The following SCN11A variants were observed in gnomAD, a reference collection of about 807,000 sequenced individuals.
SCN11A encodes the protein sodium voltage-gated channel alpha subunit 11, also known as sodium channel protein type 11 subunit alpha.
A neutral mutation model predicts 162.2 loss-of-function variants in SCN11A; 122 were observed. That is an observed-to-expected ratio of 0.75 (90% CI 0.65 to 0.87). SCN11A has a LOEUF of 0.87. Among genes scored for constraint, SCN11A ranks in the 40% least tolerant of loss-of-function variants. The pLI, the probability that SCN11A is intolerant of heterozygous loss-of-function variation, is 0.00. For missense variants in SCN11A, 2,015 were observed against 2,181.6 expected (o/e 0.92, Z 1.52); for synonymous variants, 758 against 751.5 (o/e 1.01, Z -0.14).
chr3:38,926,036 T>C (rs1288651598), intron 8 of SCN11A, among the ~76,000 whole-genome samples: 2 of 152,224 alleles, frequency 1.3e-5, no homozygotes, highest in Non-Finnish European at 2.9e-5. Flanking sequence ...GAATATTAAA[T>C]AGGAAAAAAT....
chr3:39,043,886 G>C (rs1278207654), intron 1 of SCN11A, among the ~76,000 whole-genome samples: 3 of 152,246 alleles, frequency 2.0e-5, no homozygotes, highest in Admixed American at 6.5e-5. Flanking sequence ...ATAAATGCTT[G>C]AGGAGATGGA....
At chr3:38,865,817 A>G (rs886071456) in intron 27 of SCN11A, among the ~76,000 whole-genome samples, 2 of 152,170 alleles carry the variant, frequency 1.3e-5, no homozygotes, top group Non-Finnish European at 2.9e-5. Context: ...CCTGTGAAAA[A>G]GTGTGTAACC....
At chr3:38,865,677 AAT>A (rs765915037) in intron 27 of SCN11A, among the ~76,000 whole-genome samples, 1 of 152,190 alleles carries the variant, frequency 6.6e-6, no homozygotes, top group African/African-American at 2.4e-5. Flanking sequence ...CTATAAGTTA[AAT>A]ATGTTATTAC....
chr3:38,850,454 G>A (rs762361048), intron 29 of SCN11A, 27 bp downstream of exon 29: 9 of 1,587,668 alleles, frequency 5.7e-6, no homozygotes, highest in Non-Finnish European at 7.7e-6. Context: ...GGTTCTTAAA[G>A]TCCCTCTGAC....
intron 8 of SCN11A, among the ~76,000 whole-genome samples, chr3:38,926,291 A>G (rs1346293239): frequency 6.6e-6 from 1 of 152,198 alleles, no homozygotes; most frequent in African/African-American, 2.4e-5. Flanking sequence ...GAACTTCTAG[A>G]AGTAAACAGG....
intron 1 of SCN11A, among the ~76,000 whole-genome samples, chr3:39,042,575 C>T (rs2032073933): frequency 6.6e-6 from 1 of 152,076 alleles, no homozygotes; most frequent in South Asian, 2.1e-4. Context: ...TATTAGCAAA[C>T]TATCCACCTA....
In SCN11A at chr3:38,879,944, A is replaced by G. The variant is rs747163469; in HGVS notation, c.3393+6T>C. The G allele has an allele frequency of 6.2e-7, 1 of 1,610,590 alleles. No homozygotes were observed. The highest frequency in any genetic ancestry group is 1.1e-5 in the South Asian group (1 of 90,564). ...CCTGTGTGGGACACAGAGATGGTAA[A>G]CTTACAATCACAATGATGAAATCAA... On this transcript the variant is annotated splice_donor_region_variant and intron_variant, in intron 23 of 29. Transcript: ENST00000302328.
intron 7 of SCN11A, among the ~76,000 whole-genome samples, chr3:38,936,120 A>G (rs1307064815): frequency 1.3e-5 from 2 of 151,630 alleles, no homozygotes; most frequent in Non-Finnish European, 2.9e-5. Flanking sequence ...GACAAAAACC[A>G]CATGATTATC....
At position 38,929,141 on chromosome 3, in the gene SCN11A, A is replaced by G. The variant is rs894355856; in HGVS notation, c.489-2210T>C. Among the ~76,000 whole-genome samples the G allele has an allele frequency of 3.8e-3, 255 of 66,298 alleles. 2 individuals are homozygous for G. Among genetic ancestry groups the G allele is most frequent in the African/African-American group, 6.7e-3 (214 of 31,792 alleles). The allele number at this position is 66,298 out of a possible 152,430, so 43.5% of individuals were successfully genotyped here. The stretch of plus-strand genomic sequence containing the variant: ...AAATACTGGGTCTGTGCACGCACAC[A>G]CACACACACACACACACACACACAC... On this transcript the variant is annotated intron_variant, in intron 7 of 29. Transcript: ENST00000302328.
Position 38,933,370 on chromosome 3 carries a change from C to T in SCN11A, c.489-6439G>A, listed in dbSNP as rs7642432. Reference sequence around the variant, plus strand: ...TCACCAGCAACGGAACAAAGCAGGACGGAGAATGACTTTGACGAGTTGAGA... The same window carrying T: ...TCACCAGCAACGGAACAAAGCAGGATGGAGAATGACTTTGACGAGTTGAGA... On this transcript the variant is annotated intron_variant, in intron 7 of 29. Transcript: ENST00000302328. 5.7e-3 allele frequency among the ~76,000 whole-genome samples: 864 copies of T among 152,280 alleles called. 10 individuals carry two copies. The highest frequency in any genetic ancestry group is 0.02 in the African/African-American group (821 of 41,550).
At chr3:38,970,723 C>A (rs1044454619) in intron 2 of SCN11A, among the ~76,000 whole-genome samples, 1 of 152,168 alleles carries the variant, frequency 6.6e-6, no homozygotes, top group Non-Finnish European at 1.5e-5. Flanking sequence ...CCTTGGACAC[C>A]AGCAAGACCC....
intron 2 of SCN11A, among the ~76,000 whole-genome samples, chr3:38,973,111 A>G (rs919343443): frequency 8.5e-5 from 13 of 152,242 alleles, no homozygotes; most frequent in African/African-American, 3.1e-4. Context: ...TAATTATAGA[A>G]GTAGAAAAAA....
rs1189990465 is a variant in SCN11A at position 38,950,205 on chromosome 3, T to C, written c.158A>G (p.Gln53Arg). 6.2e-7 allele frequency: 1 copy of C among 1,613,876 alleles called. No individual in the cohort carries two copies. Among genetic ancestry groups the C allele is most frequent in the African/African-American group, 1.3e-5 (1 of 74,850 alleles). ...CTTCCTGGAGGCCTTTAGGTCAAGC[T>C]GAGGCCGAGGCTGGGGTACTTCTCC... The part of the protein sequence containing the change: ...QTGEVPQPRP[Q>R]LDLKASRKLP... The change falls in exon 5 of 30, where the codon CAG becomes CGG. Residue 53 changes from glutamine to arginine, a missense_variant. Transcript: ENST00000302328.
chr3:38,933,251 A>C (rs1296783182), intron 7 of SCN11A, among the ~76,000 whole-genome samples: 1 of 152,202 alleles, frequency 6.6e-6, no homozygotes, highest in Non-Finnish European at 1.5e-5. Context: ...GACCAAAAGT[A>C]GGTAAAACCA....
At chr3:38,866,313 G>A (rs185282275) in intron 27 of SCN11A, among the ~76,000 whole-genome samples, 13 of 152,000 alleles carry the variant, frequency 8.6e-5, no homozygotes, top group Non-Finnish European at 1.3e-4. Flanking sequence ...CTGCCTCCCA[G>A]GTTCAAGCAA....
At chr3:38,848,808 C>T (rs185160272) in intron 29 of SCN11A, among the ~76,000 whole-genome samples, 6 of 152,094 alleles carry the variant, frequency 3.9e-5, no homozygotes, top group South Asian at 2.1e-4. Flanking sequence ...ACGAGTAAGC[C>T]GTAATACCTC....
At chr3:38,878,018 CAG>C (rs2065247933) in intron 23 of SCN11A, among the ~76,000 whole-genome samples, 2 of 151,500 alleles carry the variant, frequency 1.3e-5, no homozygotes, top group African/African-American at 4.9e-5. Context: ...TCTGGGGACT[CAG>C]GGGAAATGAG....
chr3:38,981,712 A>G (rs1392110935), intron 2 of SCN11A, among the ~76,000 whole-genome samples: 1 of 152,134 alleles, frequency 6.6e-6, no homozygotes, highest in Non-Finnish European at 1.5e-5. Flanking sequence ...AGTTCAAAAA[A>G]CATAAGGGAG....
chr3:38,894,388 T>G, intron 19 of SCN11A, 145 bp downstream of exon 19: 7 of 701,770 alleles, frequency 1.0e-5, no homozygotes, highest in East Asian at 2.5e-5. Flanking sequence ...GAACCTGTCC[T>G]GAGATGTGCA....
Sources: allele counts gnomAD v4.1 joint callset (sites outside exome capture counted in the v4.1 genomes callset), GRCh38; gene constraint gnomAD v4.1.1; transcripts MANE v1.5; gene names NCBI Gene and HGNC (gene_info 2026-07-23, HGNC 2026-07-21).